BMP6: variants seen among roughly 807,000 people sequenced by gnomAD.
BMP6 encodes VG-1-R.
BMP6 carries 17 observed loss-of-function variants against 54.1 expected under a neutral mutation model. The ratio of observed to expected loss-of-function variants is 0.31; its 90% CI spans 0.22 to 0.47. BMP6 has a LOEUF of 0.47. BMP6 is among the 20% of genes least tolerant of loss of function. The pLI is 1.00. For synonymous variants in BMP6, 328 were observed against 291.2 expected (o/e 1.13, Z -1.28); for missense variants, 720 against 690.4 (o/e 1.04, Z -0.48).
At chr6:7,738,679 A>AT (rs1476090941) in intron 1 of BMP6, among the ~76,000 whole-genome samples, 1 of 152,182 alleles carries the variant, frequency 6.6e-6, no homozygotes, top group African/African-American at 2.4e-5. Flanking sequence ...TCCCAAGACG[A>AT]TTCTTTTTAA....
In BMP6 at chr6:7,834,568, A is replaced by C. The variant is rs114263588; in HGVS notation, c.665-10572A>C. ...GAGGTGGAAAAACTAGGGTGTGGTG[A>C]CATGCACCTGGTGACATGTAGTCCT... On this transcript the variant is annotated intron_variant, in intron 1 of 6. Transcript: ENST00000283147. Among the ~76,000 whole-genome samples, 819 of 151,976 alleles carry C rather than the reference A, an allele frequency of 5.4e-3. 13 individuals are homozygous for C. Among genetic ancestry groups the C allele is most frequent in the African/African-American group, 0.019 (792 of 41,416 alleles).
At chr6:7,821,025 C>CGG (rs1758603763) in intron 1 of BMP6, among the ~76,000 whole-genome samples, 1 of 152,248 alleles carries the variant, frequency 6.6e-6, no homozygotes, top group East Asian at 1.9e-4. Flanking sequence ...GCGGCCCAAT[C>CGG]CCTAACAGGG....
chr6:7,809,964 A>G (rs1401049412), intron 1 of BMP6, among the ~76,000 whole-genome samples: 1 of 152,228 alleles, frequency 6.6e-6, no homozygotes, highest in Non-Finnish European at 1.5e-5. Flanking sequence ...ATATTTATTC[A>G]CTGAGCAAAT....
At chr6:7,728,905 C>G (rs1237851888) in intron 1 of BMP6, among the ~76,000 whole-genome samples, 1 of 152,212 alleles carries the variant, frequency 6.6e-6, no homozygotes, top group African/African-American at 2.4e-5. Flanking sequence ...CTTTACCAGC[C>G]TATCTATGAT....
intron 1 of BMP6, among the ~76,000 whole-genome samples, chr6:7,748,546 A>C (rs1380545638): frequency 1.3e-5 from 2 of 152,168 alleles, no homozygotes; most frequent in South Asian, 2.1e-4. Context: ...TATGAGAGAA[A>C]CCTACGAGGC....
chr6:7,747,445 C>T (rs1044263311), intron 1 of BMP6, among the ~76,000 whole-genome samples: 1 of 152,096 alleles, frequency 6.6e-6, no homozygotes, highest in African/African-American at 2.4e-5. Flanking sequence ...GTCCCCAGGC[C>T]GAGGAATGCA....
At position 7,807,513 on chromosome 6, in the gene BMP6, T is replaced by TC. The variant is rs559686196; in HGVS notation, c.665-37627_665-37626insC. ...CCAGACTGGTCTCGAACTCCTGACC[T>TC]AGTGATCCGCCCACCTTGGCCTCCC... is the stretch of plus-strand genomic sequence containing the variant. On this transcript the variant is annotated intron_variant, in intron 1 of 6. Transcript: ENST00000283147. 3.3e-5 allele frequency among the ~76,000 whole-genome samples: 5 copies of TC among 152,232 alleles called. No individual in the cohort carries two copies. The South Asian group carries it at 6.2e-4, about 19-fold the overall frequency.
At chr6:7,809,117 C>CA (rs113720343) in intron 1 of BMP6, among the ~76,000 whole-genome samples, 3,538 of 98,956 alleles carry the variant, frequency 0.036, 54 homozygotes, top group Non-Finnish European at 0.05. Flanking sequence ...CACCCCCCCC[C>CA]AAAAAAAAAA....
chr6:7,853,014 G>T (rs1321099062), intron 2 of BMP6, among the ~76,000 whole-genome samples: 1 of 152,098 alleles, frequency 6.6e-6, no homozygotes, highest in Non-Finnish European at 1.5e-5. Flanking sequence ...TGGTGATACT[G>T]CGTAAAGCTC....
At chr6:7,849,767 T>C (rs956696019) in intron 2 of BMP6, among the ~76,000 whole-genome samples, 3 of 152,224 alleles carry the variant, frequency 2.0e-5, no homozygotes, top group African/African-American at 4.8e-5. Flanking sequence ...GTTTGGTCCA[T>C]GAAGATCGGC....
chr6:7,796,948 A>G (rs1016010876), intron 1 of BMP6, among the ~76,000 whole-genome samples: 11 of 152,194 alleles, frequency 7.2e-5, no homozygotes, highest in Non-Finnish European at 1.3e-4. Context: ...AGGCTCATAA[A>G]CAGAACTCCA....
chr6:7,754,709 T>G (rs1757485251), intron 1 of BMP6, among the ~76,000 whole-genome samples: 2 of 152,120 alleles, frequency 1.3e-5, no homozygotes, highest in African/African-American at 4.8e-5. Flanking sequence ...TGTTCTAACC[T>G]TTTTTGTTGT....
chr6:7,853,994 G>A (rs1206440049), intron 2 of BMP6, among the ~76,000 whole-genome samples: 6 of 152,010 alleles, frequency 3.9e-5, no homozygotes, highest in Admixed American at 3.3e-4. Flanking sequence ...GGGTAGAAGA[G>A]AATGTTATGG....
At chr6:7,736,865 C>T (rs1464327708) in intron 1 of BMP6, among the ~76,000 whole-genome samples, 1 of 152,116 alleles carries the variant, frequency 6.6e-6, no homozygotes, top group Non-Finnish European at 1.5e-5. Context: ...CCACCCTATT[C>T]TGCTCCCTTA....
Position 7,792,116 on chromosome 6 carries a change from T to C in BMP6, c.665-53024T>C, listed in dbSNP as rs567689164. Reference sequence around the variant, plus strand: ...AGGAGGGTGCTAACAATTCTGAATCTGTAGGGCAGGCTGTAAACTCAGGCG... The same window carrying C: ...AGGAGGGTGCTAACAATTCTGAATCCGTAGGGCAGGCTGTAAACTCAGGCG... On this transcript the variant is annotated intron_variant, in intron 1 of 6. Coordinates refer to ENST00000283147, the MANE Select transcript of BMP6 (RefSeq NM_001718.6). 3.9e-5 allele frequency among the ~76,000 whole-genome samples: 6 copies of C among 152,292 alleles called. 1 individual carries two copies. The highest frequency in any genetic ancestry group is 1.4e-4 in the African/African-American group (6 of 41,552).
chr6:7,727,473 A>C lies in BMP6; in HGVS notation c.518A>C (p.Gln173Pro), dbSNP rs756475725. Residue 173 changes from glutamine to proline, a missense_variant, in exon 1 of 7, where the codon CAG (glutamine) becomes CCG (proline). This residue lies in a region of BMP6 where 650 missense variants were observed against 556.3 expected (regional missense o/e 1.17). Transcript: ENST00000283147. ...HEAASSSQRRQPPPGAAHPLN... is the reference protein window; with the variant it reads ...HEAASSSQRRPPPPGAAHPLN... The stretch of plus-strand genomic sequence containing the variant: ...GCAGCCAGCTCGTCCCAGCGTCGGC[A>C]GCCGCCCCCGGGCGCCGCGCACCCG... The C allele has an allele frequency of 8.8e-6, 14 of 1,595,336 alleles. No homozygotes were observed. In the South Asian group the frequency reaches 1.6e-4, roughly 18 times the overall value.
chr6:7,768,878 A>G (rs1452773033), intron 1 of BMP6, among the ~76,000 whole-genome samples: 2 of 151,238 alleles, frequency 1.3e-5, no homozygotes, highest in African/African-American at 2.5e-5. Flanking sequence ...GATCTGTCAT[A>G]TATTATAGTT....
chr6:7,864,531 C>T (rs72829213), intron 4 of BMP6, among the ~76,000 whole-genome samples: 12,226 of 152,234 alleles, frequency 0.08, 660 homozygotes, highest in East Asian at 0.13. Context: ...GGTAATTGTA[C>T]AGAAATGTCA....
chr6:7,832,295 G>A (rs528277258), intron 1 of BMP6, among the ~76,000 whole-genome samples: 31 of 152,308 alleles, frequency 2.0e-4, no homozygotes, highest in Non-Finnish European at 3.7e-4. Context: ...AACCCCCAAG[G>A]TGATGGTATT....
Sources: gnomAD v4.1 joint callset for allele counts (sites outside exome capture counted in the v4.1 genomes callset) on GRCh38, gnomAD v4.1.1 for gene constraint, gnomAD v4.1.1 regional missense constraint, MANE v1.5 for transcripts, NCBI Gene and HGNC (gene_info 2026-07-23, HGNC 2026-07-21) for gene names.